The following RAD51AP2 variants were observed in gnomAD, a reference collection of about 807,000 sequenced individuals.
RAD51AP2 encodes RAD51-associated protein 2.
A neutral mutation model predicts 85.5 loss-of-function variants in RAD51AP2; 67 were observed. The ratio of observed to expected loss-of-function variants is 0.78; its 90% CI spans 0.64 to 0.96. The LOEUF (loss-of-function observed/expected upper bound fraction) is 0.96, where lower values mean the gene tolerates loss of function less well. RAD51AP2 is among the 40% of genes least tolerant of loss of function. The pLI is 0.00. For missense variants in RAD51AP2, 1,307 were observed against 1,332.4 expected (o/e 0.98, Z 0.30); for synonymous variants, 474 against 446.5 (o/e 1.06, Z -0.78).
intron 2 of RAD51AP2, among the ~76,000 whole-genome samples, chr2:17,513,211 G>C (rs1182490942): frequency 7.1e-6 from 1 of 140,666 alleles, no homozygotes; most frequent in African/African-American, 2.6e-5. Context: ...GATAAGGTTA[G>C]TTGTTTAATT....
Position 17,518,366 on chromosome 2 carries a change from G to T in RAD51AP2, c.50C>A (p.Thr17Asn), listed in dbSNP as rs1308668823. 1.2e-6 allele frequency: 2 copies of T among 1,613,700 alleles called. No homozygotes were observed. The highest frequency in any genetic ancestry group is 2.2e-5 in the East Asian group (1 of 44,882). Residue 17 changes from threonine to asparagine, a missense_variant, in exon 1 of 3, where the codon ACC (threonine) becomes AAC (asparagine). Transcript: ENST00000399080. ...GTCCTCAGGAGGCGTTAAAGAGGAG[G>T]TAGGCTTTCTGAGCTCGGCCATCCG... is the stretch of plus-strand genomic sequence containing the variant. The part of the protein sequence containing the change: ...TPRMAELRKP[T>N]SSLTPPEDPD...
chr2:17,535,803 G>A, the RAD51AP2 span, among the ~76,000 whole-genome samples: 19 of 152,004 alleles, frequency 1.2e-4, no homozygotes, highest in Admixed American at 1.2e-3. Context: ...TCTATAGGTA[G>A]TTTTAAAAGG....
Position 17,517,939 on chromosome 2 carries a change from C to CA in RAD51AP2, c.476dup (p.Pro160AlafsTer12). On this transcript the variant is annotated frameshift_variant, in exon 1 of 3. Coordinates refer to ENST00000399080, the MANE Select transcript of RAD51AP2 (RefSeq NM_001099218.3). LOFTEE classifies it high-confidence loss of function. ...GTATATCGTGTATAGAGGTGCTGGG[C>CA]AGAAGTTGACTAACCCCTGCTTTGG... The CA allele has an allele frequency of 6.2e-7, 1 of 1,614,144 alleles. No homozygotes were observed. The highest frequency in any genetic ancestry group is 8.5e-7 in the Non-Finnish European group (1 of 1,180,016).
intron 2 of RAD51AP2, among the ~76,000 whole-genome samples, chr2:17,511,596 T>G (rs1232610446): frequency 6.6e-6 from 1 of 152,194 alleles, no homozygotes; most frequent in East Asian, 1.9e-4. Flanking sequence ...GGGGTACATA[T>G]GTAAAACCAA....
At chr2:17,537,650 A>G in the RAD51AP2 span, among the ~76,000 whole-genome samples, 1 of 152,092 alleles carries the variant, frequency 6.6e-6, no homozygotes, top group South Asian at 2.1e-4. Flanking sequence ...ATGAGCTTAG[A>G]CCTGTTACAC....
At chr2:17,536,586 T>C in the RAD51AP2 span, among the ~76,000 whole-genome samples, 4 of 152,214 alleles carry the variant, frequency 2.6e-5, no homozygotes, top group Non-Finnish European at 4.4e-5. Flanking sequence ...GAAACTCAAA[T>C]CTTTCACGGT....
At chr2:17,534,361 C>T in the RAD51AP2 span, among the ~76,000 whole-genome samples, 1 of 152,120 alleles carries the variant, frequency 6.6e-6, no homozygotes, top group African/African-American at 2.4e-5. Context: ...TCTATTACTG[C>T]ATATTCTTGT....
chr2:17,531,301 G>A, the RAD51AP2 span, among the ~76,000 whole-genome samples: 12 of 152,098 alleles, frequency 7.9e-5, no homozygotes, highest in East Asian at 1.3e-3. Flanking sequence ...CTGGGGAGTC[G>A]GGAAAGCCTT....
At chr2:17,512,393 C>T (rs1662518186) in intron 2 of RAD51AP2, among the ~76,000 whole-genome samples, 1 of 152,238 alleles carries the variant, frequency 6.6e-6, no homozygotes. Context: ...GATCATTCAA[C>T]TTTTGTACCC....
chr2:17,512,802 C>T (rs1465057901), intron 2 of RAD51AP2, among the ~76,000 whole-genome samples: 1 of 152,170 alleles, frequency 6.6e-6, no homozygotes, highest in Non-Finnish European at 1.5e-5. Flanking sequence ...CTTCCTTCAT[C>T]CCGGGGAGAA....
chr2:17,515,777 C>G lies in RAD51AP2; in HGVS notation c.2639G>C (p.Ser880Thr). 6.3e-7 allele frequency: 1 copy of G among 1,598,096 alleles called. No homozygotes were observed. The highest frequency in any genetic ancestry group is 8.5e-7 in the Non-Finnish European group (1 of 1,171,002). Reference protein sequence around the residue: ...MFSVQSVSLISKEVNVEENKY... With the variant: ...MFSVQSVSLITKEVNVEENKY... The stretch of plus-strand genomic sequence containing the variant: ...ATTTTCTTCCACATTTACTTCCTTA[C>G]TTATTAATGAAACTGACTGTACAGA... The change falls in exon 1 of 3, where the codon AGT becomes ACT. Residue 880 changes from serine (S) to threonine (T), a missense_variant. By Grantham distance (58) the Ser-to-Thr change is moderately conservative. This residue lies in a region of RAD51AP2 where 668 missense variants were observed against 671.0 expected (regional missense o/e 1.00). Transcript: ENST00000399080.
intron 1 of RAD51AP2, 148 bp downstream of exon 1, chr2:17,515,019 AAG>A (rs1296483708): frequency 7.7e-6 from 5 of 645,530 alleles, no homozygotes; most frequent in South Asian, 2.8e-5. Context: ...AAAAAAAAAA[AAG>A]AAAGAAAATA....
chr2:17,531,884 C>T, the RAD51AP2 span, among the ~76,000 whole-genome samples: 1 of 152,140 alleles, frequency 6.6e-6, no homozygotes, highest in African/African-American at 2.4e-5. Context: ...AACCATAGAT[C>T]TCTACTTTTT....
the RAD51AP2 span, among the ~76,000 whole-genome samples, chr2:17,537,705 G>C: frequency 6.6e-6 from 1 of 152,016 alleles, no homozygotes; most frequent in African/African-American, 2.4e-5. Context: ...TTTTCAATTC[G>C]TCCACGTCAC....
chr2:17,515,878 A>G lies in RAD51AP2; in HGVS notation c.2538T>C (p.Asn846=), dbSNP rs1662646333. ...TAGTATCTTTGTGAACTTGGCAACTATTTGTTAAACTTTCAGCTGTGACTT... is the reference window on the plus strand; with the variant it reads ...TAGTATCTTTGTGAACTTGGCAACTGTTTGTTAAACTTTCAGCTGTGACTT... ...EVKVTAESLT[N]SCQVHKDTKI... Residue 846 remains asparagine (N), a synonymous_variant, in exon 1 of 3, where the codon AAT becomes AAC. Coordinates refer to ENST00000399080, the MANE Select transcript of RAD51AP2 (RefSeq NM_001099218.3). 6.2e-7 allele frequency: 1 copy of G among 1,606,238 alleles called. No individual in the cohort carries two copies. Among genetic ancestry groups the G allele is most frequent in the Non-Finnish European group, 8.5e-7 (1 of 1,177,848 alleles).
the RAD51AP2 span, among the ~76,000 whole-genome samples, chr2:17,529,618 T>C: frequency 6.6e-6 from 1 of 152,212 alleles, no homozygotes; most frequent in Non-Finnish European, 1.5e-5. Context: ...TATGATATCA[T>C]TAGATACTAA....
chr2:17,533,605 A>G, the RAD51AP2 span, among the ~76,000 whole-genome samples: 1 of 152,210 alleles, frequency 6.6e-6, no homozygotes, highest in Non-Finnish European at 1.5e-5. Context: ...CCGTGATTTA[A>G]ACATTAAAAA....
chr2:17,524,106 G>C, the RAD51AP2 span, among the ~76,000 whole-genome samples: 1 of 151,876 alleles, frequency 6.6e-6, no homozygotes, highest in Non-Finnish European at 1.5e-5. Context: ...TGCCGAATCA[G>C]GCTGTTCACA....
At chr2:17,511,962 A>G (rs531206267) in intron 2 of RAD51AP2, among the ~76,000 whole-genome samples, 70 of 152,292 alleles carry the variant, frequency 4.6e-4, no homozygotes, top group African/African-American at 1.7e-3. Flanking sequence ...TTTGAAACAC[A>G]AAGGGATTGT....
Sources: allele counts gnomAD v4.1 joint callset (sites outside exome capture counted in the v4.1 genomes callset), GRCh38; gene constraint gnomAD v4.1.1; regional missense constraint gnomAD v4.1.1; transcripts MANE v1.5; gene names NCBI Gene and HGNC (gene_info 2026-07-23, HGNC 2026-07-21).